The following NKX6-2 variants were observed in gnomAD, a reference collection of about 807,000 sequenced individuals.
The protein encoded by NKX6-2 is homeobox protein Nkx-6.2.
A neutral mutation model predicts 19.9 loss-of-function variants in NKX6-2; 22 were observed. The observed-to-expected ratio is 1.10, with a 90% CI of 0.79 to 1.58. NKX6-2 has a LOEUF of 1.58. Among genes scored for constraint, NKX6-2 ranks in the 40% most tolerant of loss-of-function variants. NKX6-2 has a pLI of 0.00. For synonymous variants in NKX6-2, 257 were observed against 204.0 expected (o/e 1.26, Z -2.21); for missense variants, 475 against 410.6 (o/e 1.16, Z -1.35).
chr10:132,784,932 G>GCGC lies in NKX6-2; in HGVS notation c.815_817dup (p.Gly272dup). ...CGCGGGTCCTCACAAGGCGTCCCCCGCGCCGCCGCCGCACGGGCTGACCAG... is the reference window on the plus strand; with the variant it reads ...CGCGGGTCCTCACAAGGCGTCCCCCGCGCCGCCGCCGCCGCACGGGCTGACCAG... On this transcript the variant is annotated inframe_insertion, in exon 3 of 3. Coordinates refer to ENST00000368592, the MANE Select transcript of NKX6-2 (RefSeq NM_177400.3). The GCGC allele has an allele frequency of 6.2e-7, 1 of 1,612,128 alleles. No individual in the cohort carries two copies. Among genetic ancestry groups the GCGC allele is most frequent in the Non-Finnish European group, 8.5e-7 (1 of 1,179,610 alleles).
In NKX6-2 at chr10:132,785,186, G is replaced by A; in HGVS notation, c.580-16C>T. On this transcript the variant is annotated splice_polypyrimidine_tract_variant and intron_variant, in intron 2 of 2. Coordinates refer to ENST00000368592, the MANE Select transcript of NKX6-2 (RefSeq NM_177400.3). This position sits in a 1 kb window ranked among gnomAD's most constrained non-coding sequence, Gnocchi z 5.5. ...GGAACCAGACCTGGGAGTGGACGGG[G>A]CGGTCAGGCGGCCGCGGGGCCCGGG... 1 of 1,603,944 alleles carries A rather than the reference G, an allele frequency of 6.2e-7. No individual in the cohort carries two copies. Among genetic ancestry groups the A allele is most frequent in the Non-Finnish European group, 8.5e-7 (1 of 1,175,874 alleles).
At position 132,785,382 on chromosome 10, in the gene NKX6-2, C is replaced by G. The variant is rs375223053; in HGVS notation, c.477G>C (p.Gln159His). The G allele has an allele frequency of 5.0e-6, 8 of 1,604,878 alleles. No individual in the cohort carries two copies. Among genetic ancestry groups the G allele is most frequent in the African/African-American group, 2.7e-5 (2 of 73,312 alleles). The part of the protein sequence containing the change: ...KHSRPTFSGQ[Q>H]IFALEKTFEQ... ...CGAAGGTTTTCTCCAGCGCGAAGATCTGCTGGCCCGAGAAGGTCGGGCGCG... is the reference window on the plus strand; with the variant it reads ...CGAAGGTTTTCTCCAGCGCGAAGATGTGCTGGCCCGAGAAGGTCGGGCGCG... The change falls in exon 2 of 3, where the codon CAG becomes CAC. Residue 159 changes from glutamine (Q) to histidine (H), a missense_variant. By Grantham distance (24) the Gln-to-His change is conservative. Coordinates refer to ENST00000368592, the MANE Select transcript of NKX6-2 (RefSeq NM_177400.3). This position sits in a 1 kb window ranked among gnomAD's most constrained non-coding sequence, Gnocchi z 5.5.
At position 132,784,709 on chromosome 10, in the gene NKX6-2, C is replaced by G. The variant is rs1365079443; in HGVS notation, c.*207G>C. ...CTCCGCACCGGGAACCCGGAGGACC[C>G]GAGGCGGGCGCAGGGGCGAAGCCGG... On this transcript the variant is annotated 3_prime_UTR_variant, in exon 3 of 3. Transcript: ENST00000368592. 1 of 551,952 alleles carries G rather than the reference C, an allele frequency of 1.8e-6. No individual in the cohort carries two copies. Among genetic ancestry groups the G allele is most frequent in the Non-Finnish European group, 3.1e-6 (1 of 319,726 alleles). The allele number at this position is 551,952 out of a possible 1,614,324, so 34.2% of individuals were successfully genotyped here.
rs12775208 is a variant in NKX6-2 at position 132,783,653 on chromosome 10, C to A, written c.*1263G>T. Reference sequence around the variant, plus strand: ...CTAAGCCGTTCATTGAGAGGAGAAACACAGCCTTTTGGACTTTCTACTGTA... The same window carrying A: ...CTAAGCCGTTCATTGAGAGGAGAAAAACAGCCTTTTGGACTTTCTACTGTA... On this transcript the variant is annotated 3_prime_UTR_variant, in exon 3 of 3. Transcript: ENST00000368592. The A allele has an allele frequency of 0.19, 29,582 of 152,136 alleles. 3,464 individuals carry two copies. The highest frequency in any genetic ancestry group is 0.26 in the Non-Finnish European group (17,936 of 67,956). 9.4% of individuals were successfully genotyped at this position (152,136 alleles called of 1,614,324 possible). A position where few individuals can be genotyped will look rare whatever the true frequency, so the allele number is the denominator to read the frequency against.
rs768861183 is a variant in NKX6-2, at chr10:132,784,896, C to T, written c.*20G>A. 1 of 1,601,790 alleles carries T rather than the reference C, an allele frequency of 6.2e-7. No individual in the cohort carries two copies. Among genetic ancestry groups the T allele is most frequent in the Non-Finnish European group, 8.5e-7 (1 of 1,172,352 alleles). ...CCCCCGGATTCTGCAAAAATAGATT[C>T]GCCCCCACCCCGCGGGTCCTCACAA... On this transcript the variant is annotated 3_prime_UTR_variant, in exon 3 of 3. Coordinates refer to ENST00000368592, the MANE Select transcript of NKX6-2 (RefSeq NM_177400.3).
chr10:132,785,873 T>C lies in NKX6-2; in HGVS notation c.76A>G (p.Lys26Glu). 7.2e-7 allele frequency: 1 copy of C among 1,385,194 alleles called. No homozygotes were observed. Among genetic ancestry groups the C allele is most frequent in the Non-Finnish European group, 9.5e-7 (1 of 1,047,488 alleles). The allele number at this position is 1,385,194 out of a possible 1,614,324, so 85.8% of individuals were successfully genotyped here. The change falls in exon 1 of 3, where the codon AAG becomes GAG. Residue 26 changes from lysine to glutamate, a missense_variant. By Grantham distance (56) the Lys-to-Glu change is moderately conservative. Coordinates refer to ENST00000368592, the MANE Select transcript of NKX6-2 (RefSeq NM_177400.3). The surrounding 1 kb of genome is among the most constrained non-coding windows in gnomAD (Gnocchi z 5.5). ...AGCGCGTAGGGGAACAGCGACGTCTTCATCTCGGCCATGTTGTGCAGCGCG... is the reference window on the plus strand; with the variant it reads ...AGCGCGTAGGGGAACAGCGACGTCTCCATCTCGGCCATGTTGTGCAGCGCG... ...LAALHNMAEM[K>E]TSLFPYALQG...
Position 132,784,991 on chromosome 10 carries a change from C to T in NKX6-2, c.759G>A (p.Arg253=). 6.2e-7 allele frequency: 1 copy of T among 1,612,740 alleles called. No homozygotes were observed. Among genetic ancestry groups the T allele is most frequent in the East Asian group, 2.2e-5 (1 of 44,838 alleles). ...DPNSDDEKIT[R]LLKKHKPSNL... is the part of the protein sequence containing the mutation. ...TCGAGGGTTTGTGCTTCTTGAGCAG[C>T]CGCGTGATCTTCTCGTCGTCCGAGT... is the stretch of plus-strand genomic sequence containing the variant. The change falls in exon 3 of 3, where the codon CGG becomes CGA. Residue 253 remains arginine, a synonymous_variant. Transcript: ENST00000368592.
In NKX6-2 at chr10:132,784,693, G is replaced by A; in HGVS notation, c.*223C>T. 2.0e-6 allele frequency: 1 copy of A among 511,092 alleles called. No homozygotes were observed. The highest frequency in any genetic ancestry group is 2.7e-5 in the South Asian group (1 of 36,558). The allele number at this position is 511,092 out of a possible 1,614,324, so 31.7% of individuals were successfully genotyped here. On this transcript the variant is annotated 3_prime_UTR_variant, in exon 3 of 3. Transcript: ENST00000368592. ...GCCCGGGGCCCGCAGCCTCCGCACC[G>A]GGAACCCGGAGGACCCGAGGCGGGC...
rs2134705983 is a variant in NKX6-2, at chr10:132,785,066, G to T, written c.684C>A (p.Gly228=). The part of the protein sequence containing the change: ...QDSDAEKLKV[G]GSDAEDDDEY... ...CGTCGTCGTCCTCCGCGTCCGAGCCGCCCACCTTCAGCTTCTCGGCGTCCG... is the reference window on the plus strand; with the variant it reads ...CGTCGTCGTCCTCCGCGTCCGAGCCTCCCACCTTCAGCTTCTCGGCGTCCG... The change falls in exon 3 of 3, where the codon GGC becomes GGA. Residue 228 remains glycine (G), a synonymous_variant. Transcript: ENST00000368592. The surrounding 1 kb of genome is among the most constrained non-coding windows in gnomAD (Gnocchi z 5.5). 1 of 1,608,512 alleles carries T rather than the reference G, an allele frequency of 6.2e-7. No individual in the cohort carries two copies. Among genetic ancestry groups the T allele is most frequent in the Non-Finnish European group, 8.5e-7 (1 of 1,175,892 alleles).
rs1847229222 is a variant in NKX6-2 at position 132,784,820 on chromosome 10, C to A, written c.*96G>T. On this transcript the variant is annotated 3_prime_UTR_variant, in exon 3 of 3. Transcript: ENST00000368592. ...CGGAGCGACGGCTCCGACGGGGACC[C>A]GTTAAATAATTTATTGATGATACAA... 1.1e-6 allele frequency: 1 copy of A among 904,706 alleles called. No individual in the cohort carries two copies. Among genetic ancestry groups the A allele is most frequent in the Non-Finnish European group, 1.7e-6 (1 of 592,972 alleles). The allele number at this position is 904,706 out of a possible 1,614,324, so 56.0% of individuals were successfully genotyped here.
chr10:132,785,391 C>A lies in NKX6-2; in HGVS notation c.468G>T (p.Ser156=). Residue 156 remains serine, a synonymous_variant, in exon 2 of 3, where the codon TCG becomes TCT. Coordinates refer to ENST00000368592, the MANE Select transcript of NKX6-2 (RefSeq NM_177400.3). This position sits in a 1 kb window ranked among gnomAD's most constrained non-coding sequence, Gnocchi z 5.5. The part of the protein sequence containing the change: ...GKKKHSRPTF[S]GQQIFALEKT... ...TCTCCAGCGCGAAGATCTGCTGGCCCGAGAAGGTCGGGCGCGAGTGCTTCT... is the reference window on the plus strand; with the variant it reads ...TCTCCAGCGCGAAGATCTGCTGGCCAGAGAAGGTCGGGCGCGAGTGCTTCT... The A allele has an allele frequency of 2.5e-6, 4 of 1,603,640 alleles. No homozygotes were observed. Among genetic ancestry groups the A allele is most frequent in the Non-Finnish European group, 3.4e-6 (4 of 1,176,632 alleles).
rs771054702 is a variant in NKX6-2 at position 132,785,813 on chromosome 10, C to A, written c.136G>T (p.Gly46Trp). 2 of 1,378,992 alleles carry A rather than the reference C, an allele frequency of 1.5e-6. No individual in the cohort carries two copies. Among genetic ancestry groups the A allele is most frequent in the South Asian group, 1.7e-5 (1 of 59,786 alleles). 85.4% of individuals were successfully genotyped at this position (1,378,992 alleles called of 1,614,324 possible). ...AGCGGGAGCTGCGCGCCCAGGCCCC[C>A]CAGCGCGGGCGCCTTGAAGCCGGCC... Reference protein sequence around the residue: ...GPAGFKAPALGGLGAQLPLGT... With the variant: ...GPAGFKAPALWGLGAQLPLGT... Residue 46 changes from glycine (G) to tryptophan (W), a missense_variant, in exon 1 of 3, where the codon GGG becomes TGG. Coordinates refer to ENST00000368592, the MANE Select transcript of NKX6-2 (RefSeq NM_177400.3). The surrounding 1 kb of genome is among the most constrained non-coding windows in gnomAD (Gnocchi z 5.5).
rs1432829954 is a variant in NKX6-2, at chr10:132,783,859, CGAGTTTAA to C, written c.*1049_*1056del. ...GCTAAGAGCCTAAAACAAAACGCGC[CGAGTTTAA>C]GCCCTTTCTATTTCCCTTTAACGCT... On this transcript the variant is annotated 3_prime_UTR_variant, in exon 3 of 3. Coordinates refer to ENST00000368592, the MANE Select transcript of NKX6-2 (RefSeq NM_177400.3). The C allele has an allele frequency of 6.6e-6, 1 of 152,344 alleles. No homozygotes were observed. Among genetic ancestry groups the C allele is most frequent in the East Asian group, 1.9e-4 (1 of 5,190 alleles). The allele number at this position is 152,344 out of a possible 1,614,324, so 9.4% of individuals were successfully genotyped here.
chr10:132,785,869 G>A lies in NKX6-2; in HGVS notation c.80C>T (p.Thr27Met), dbSNP rs753608135. 1.2e-5 allele frequency: 17 copies of A among 1,382,190 alleles called. 1 individual carries two copies. The East Asian group carries it at 4.0e-4, about 33-fold the overall frequency. The allele number at this position is 1,382,190 out of a possible 1,614,324, so 85.6% of individuals were successfully genotyped here. ...AALHNMAEMK[T>M]SLFPYALQGP... The stretch of plus-strand genomic sequence containing the variant: ...CTGCAGCGCGTAGGGGAACAGCGAC[G>A]TCTTCATCTCGGCCATGTTGTGCAG... The change falls in exon 1 of 3, where the codon ACG becomes ATG. Residue 27 changes from threonine to methionine, a missense_variant. Transcript: ENST00000368592. The surrounding 1 kb of genome is among the most constrained non-coding windows in gnomAD (Gnocchi z 5.5).
In NKX6-2 at chr10:132,785,926, G is replaced by A. The variant is rs1411371054; in HGVS notation, c.23C>T (p.Ala8Val). 9 of 1,306,696 alleles carry A rather than the reference G, an allele frequency of 6.9e-6. No homozygotes were observed. In the South Asian group the frequency reaches 8.8e-5, roughly 13 times the overall value. 80.9% of individuals were successfully genotyped at this position (1,306,696 alleles called of 1,614,324 possible). Reference sequence around the variant, plus strand: ...CAGCGGGGCACTGCTCAGCACGAACGCGCCCGGGCGGTTAGTGTCCATGGG... The same window carrying A: ...CAGCGGGGCACTGCTCAGCACGAACACGCCCGGGCGGTTAGTGTCCATGGG... MDTNRPG[A>V]FVLSSAPLAA... is the part of the protein sequence containing the mutation. Residue 8 changes from alanine (A) to valine (V), a missense_variant, in exon 1 of 3, where the codon GCG becomes GTG. Physicochemically the swap from Ala to Val is moderately conservative, Grantham distance 64. Coordinates refer to ENST00000368592, the MANE Select transcript of NKX6-2 (RefSeq NM_177400.3). This position sits in a 1 kb window ranked among gnomAD's most constrained non-coding sequence, Gnocchi z 5.5.
Position 132,785,565 on chromosome 10 carries a change from C to T in NKX6-2, c.384G>A (p.Arg128=). ...CACCCGGGCCAGCCAGACGCGGGTC[C>T]CTCCAGGGCGCGCCCTGCACCACGC... ...WPGVVQGAPW[R]DPRLAGPAPA... is the part of the protein sequence containing the mutation. The change falls in exon 1 of 3, where the codon AGG becomes AGA. Residue 128 remains arginine, a synonymous_variant. Coordinates refer to ENST00000368592, the MANE Select transcript of NKX6-2 (RefSeq NM_177400.3). This position sits in a 1 kb window ranked among gnomAD's most constrained non-coding sequence, Gnocchi z 5.5. 1.2e-5 allele frequency: 16 copies of T among 1,336,020 alleles called. No individual in the cohort carries two copies. The highest frequency in any genetic ancestry group is 1.5e-5 in the Non-Finnish European group (16 of 1,049,750). 82.8% of individuals were successfully genotyped at this position (1,336,020 alleles called of 1,614,324 possible).
chr10:132,786,139 G>C lies in NKX6-2; in HGVS notation c.-191C>G, dbSNP rs1016662110. 6.9e-6 allele frequency: 1 copy of C among 145,512 alleles called. No homozygotes were observed. Among genetic ancestry groups the C allele is most frequent in the African/African-American group, 2.5e-5 (1 of 40,590 alleles). The allele number at this position is 145,512 out of a possible 1,614,324, so 9.0% of individuals were successfully genotyped here. ...CGGCGGCGGCGGCGGCTCCGGGGCC[G>C]GTCGGAGCGGCGCCGCGCGGGACGG... On this transcript the variant is annotated 5_prime_UTR_variant, in exon 1 of 3. Transcript: ENST00000368592.
Position 132,785,969 on chromosome 10 carries a change from C to A in NKX6-2, c.-21G>T. Reference sequence around the variant, plus strand: ...TCCATGGGCGCCGCCGCCGCCGGCCCGGGCTCCCATCCGGGCCCCGCCGCC... The same window carrying A: ...TCCATGGGCGCCGCCGCCGCCGGCCAGGGCTCCCATCCGGGCCCCGCCGCC... On this transcript the variant is annotated 5_prime_UTR_variant, in exon 1 of 3. Coordinates refer to ENST00000368592, the MANE Select transcript of NKX6-2 (RefSeq NM_177400.3). The surrounding 1 kb of genome is among the most constrained non-coding windows in gnomAD (Gnocchi z 5.5). The A allele has an allele frequency of 2.3e-6, 2 of 888,848 alleles. No homozygotes were observed. Among genetic ancestry groups the A allele is most frequent in the Admixed American group, 4.5e-5 (1 of 22,106 alleles). The allele number at this position is 888,848 out of a possible 1,614,324, so 55.1% of individuals were successfully genotyped here.
In NKX6-2 at chr10:132,783,652, A is replaced by G. The variant is rs1847207069; in HGVS notation, c.*1264T>C. On this transcript the variant is annotated 3_prime_UTR_variant, in exon 3 of 3. Transcript: ENST00000368592. The stretch of plus-strand genomic sequence containing the variant: ...ACTAAGCCGTTCATTGAGAGGAGAA[A>G]CACAGCCTTTTGGACTTTCTACTGT... 6.6e-6 allele frequency: 1 copy of G among 152,198 alleles called. No homozygotes were observed. Among genetic ancestry groups the G allele is most frequent in the Non-Finnish European group, 1.5e-5 (1 of 68,034 alleles). 9.4% of individuals were successfully genotyped at this position (152,198 alleles called of 1,614,324 possible).
Sources: gnomAD v4.1 joint callset for allele counts on GRCh38, gnomAD v4.1.1 for gene constraint, Gnocchi (gnomAD v3.1) non-coding constraint, MANE v1.5 for transcripts, NCBI Gene and HGNC (gene_info 2026-07-23, HGNC 2026-07-21) for gene names.